Variants in NAV3 observed in about 807,000 individuals in gnomAD.
The protein encoded by NAV3 is neuron navigator 3.
A neutral mutation model predicts 244.7 loss-of-function variants in NAV3; 87 were observed. The observed-to-expected ratio is 0.36, with a 90% CI of 0.30 to 0.42. The LOEUF (loss-of-function observed/expected upper bound fraction) is 0.42, where lower values mean the gene tolerates loss of function less well. Among genes scored for constraint, NAV3 ranks in the 20% least tolerant of loss-of-function variants. The probability of loss-of-function intolerance (pLI) is 1.00; values close to 1 mark genes in which losing one functional copy is unlikely to be tolerated. For synonymous variants in NAV3, 1,126 were observed against 1,042.2 expected (o/e 1.08, Z -1.55); for missense variants, 2,663 against 2,893.3 (o/e 0.92, Z 1.83).
chr12:78,102,036 G>T (rs981667948), intron 12 of NAV3, among the ~76,000 whole-genome samples: 7 of 152,074 alleles, frequency 4.6e-5, no homozygotes, highest in Admixed American at 3.3e-4. Context: ...ATTTTGTTAA[G>T]TGTTACCTAG....
chr12:77,787,793 C>T (rs942183614), intron 2 of NAV3, among the ~76,000 whole-genome samples: 7 of 152,142 alleles, frequency 4.6e-5, no homozygotes, highest in Admixed American at 4.6e-4. Flanking sequence ...ACCTAGTTTG[C>T]TTTGCAGATC....
chr12:78,083,898 C>A (rs933311119), intron 12 of NAV3, among the ~76,000 whole-genome samples: 8 of 152,072 alleles, frequency 5.3e-5, no homozygotes, highest in African/African-American at 1.9e-4. Context: ...AAATAACCAG[C>A]CAAACAAAAA....
At chr12:78,111,695 T>G (rs889806224) in intron 12 of NAV3, among the ~76,000 whole-genome samples, 1 of 152,110 alleles carries the variant, frequency 6.6e-6, no homozygotes, top group African/African-American at 2.4e-5. Context: ...AGTTTTCAGT[T>G]TCTTTATTCA....
intron 9 of NAV3, among the ~76,000 whole-genome samples, chr12:78,043,385 T>A (rs948065679): frequency 2.0e-5 from 3 of 152,218 alleles, no homozygotes; most frequent in Non-Finnish European, 2.9e-5. Flanking sequence ...AGTGCTGCAA[T>A]AAACATACGT....
intron 2 of NAV3, among the ~76,000 whole-genome samples, chr12:77,742,740 A>G (rs11106503): frequency 0.032 from 4,800 of 152,188 alleles, 269 homozygotes; most frequent in African/African-American, 0.11. Flanking sequence ...AATTAACTGT[A>G]GTACATACTG....
intron 1 of NAV3, among the ~76,000 whole-genome samples, chr12:77,930,482 G>A (rs555164803): frequency 4.0e-5 from 6 of 149,562 alleles, no homozygotes; most frequent in Non-Finnish European, 5.9e-5. Context: ...AAATCCATCC[G>A]TATACAATTT....
At chr12:78,012,365 G>C (rs910841592) in intron 8 of NAV3, among the ~76,000 whole-genome samples, 5 of 151,698 alleles carry the variant, frequency 3.3e-5, no homozygotes, top group Non-Finnish European at 7.4e-5. Flanking sequence ...ATGGCATTTT[G>C]ACCTTCTAAA....
At chr12:77,655,962 G>A (rs7308024) in intron 2 of NAV3, among the ~76,000 whole-genome samples, 13,333 of 122,296 alleles carry the variant, frequency 0.11, 2,605 homozygotes, top group African/African-American at 0.34. Flanking sequence ...AGGAAGCACT[G>A]AACATGGAAA....
intron 1 of NAV3, among the ~76,000 whole-genome samples, chr12:77,902,408 T>A (rs1885411612): frequency 6.6e-6 from 1 of 152,182 alleles, no homozygotes; most frequent in Non-Finnish European, 1.5e-5. Context: ...AATACCTAAT[T>A]TATTGAGAGT....
intron 1 of NAV3, among the ~76,000 whole-genome samples, chr12:77,929,004 A>G (rs1305314632): frequency 6.6e-6 from 1 of 152,210 alleles, no homozygotes; most frequent in East Asian, 1.9e-4. Context: ...CTTTATGGTC[A>G]AAAGAAGTAC....
chr12:78,051,293 C>T, intron 11 of NAV3, 146 bp downstream of exon 11: 1 of 800,540 alleles, frequency 1.2e-6, no homozygotes, highest in Admixed American at 3.0e-5. Flanking sequence ...GTTGAAGGGC[C>T]CTTCCTCTGC....
intron 2 of NAV3, among the ~76,000 whole-genome samples, chr12:77,806,836 G>A (rs746655917): frequency 6.6e-6 from 1 of 152,156 alleles, no homozygotes; most frequent in Non-Finnish European, 1.5e-5. Context: ...CTTACTTTAT[G>A]AATCTGGGTG....
At chr12:77,588,621 G>A (rs1008135223) in intron 2 of NAV3, among the ~76,000 whole-genome samples, 7 of 152,018 alleles carry the variant, frequency 4.6e-5, no homozygotes, top group African/African-American at 1.2e-4. Context: ...GCATCCCTGC[G>A]TCCCCAGTAC....
chr12:77,867,330 C>T (rs1332223335), intron 1 of NAV3, among the ~76,000 whole-genome samples: 1 of 152,130 alleles, frequency 6.6e-6, no homozygotes, highest in African/African-American at 2.4e-5. Flanking sequence ...GATTGTGAGG[C>T]CTCCCCAGCC....
Position 78,050,872 on chromosome 12 carries a change from A to G in NAV3, c.2241A>G (p.Ala747=), listed in dbSNP as rs375937887. Residue 747 remains alanine (A), a synonymous_variant, in exon 11 of 40, where the codon GCA becomes GCG. Transcript: ENST00000397909. ...CCATGACCTGGAGGTTGGGCCAGGC[A>G]TGTCCGCGACTTCAGGCGGGAGATG... is the stretch of plus-strand genomic sequence containing the variant. The part of the protein sequence containing the change: ...PTPMTWRLGQ[A]CPRLQAGDAP... 147 of 1,614,010 alleles carry G rather than the reference A, an allele frequency of 9.1e-5. No homozygotes were observed. Among genetic ancestry groups the G allele is most frequent in the Non-Finnish European group, 1.2e-4 (144 of 1,180,016 alleles).
chr12:78,183,932 C>T (rs931683796), intron 30 of NAV3, among the ~76,000 whole-genome samples: 2 of 151,780 alleles, frequency 1.3e-5, no homozygotes, highest in Non-Finnish European at 2.9e-5. Context: ...GCTTACACAT[C>T]TCAGGGTTTT....
intron 2 of NAV3, among the ~76,000 whole-genome samples, chr12:77,610,664 ACTCAG>A (rs1870870651): frequency 1.3e-5 from 2 of 152,002 alleles, no homozygotes; most frequent in Non-Finnish European, 2.9e-5. Context: ...ATTTATTGAC[ACTCAG>A]AATTTCAAAG....
chr12:77,840,081 AAAAAT>A (rs1440583016), intron 1 of NAV3, among the ~76,000 whole-genome samples: 2 of 152,190 alleles, frequency 1.3e-5, no homozygotes, highest in Non-Finnish European at 2.9e-5. Context: ...TAAAAAATAA[AAAAAT>A]AAAAATAAAG....
intron 38 of NAV3, among the ~76,000 whole-genome samples, chr12:78,204,296 G>A (rs1375038772): frequency 6.6e-6 from 1 of 152,000 alleles, no homozygotes; most frequent in East Asian, 1.9e-4. Flanking sequence ...CATGGCACAT[G>A]TATACATATG....
Sources: gnomAD v4.1 joint callset for allele counts (sites outside exome capture counted in the v4.1 genomes callset) on GRCh38, gnomAD v4.1.1 for gene constraint, MANE v1.5 for transcripts, NCBI Gene and HGNC (gene_info 2026-07-23, HGNC 2026-07-21) for gene names.